The following FRMD4A variants were observed in gnomAD, a reference collection of about 807,000 sequenced individuals.
FRMD4A encodes the protein FERM domain containing 4A, also known as FERM domain-containing protein 4A.
Under a neutral mutation model 129.1 loss-of-function variants are expected in FRMD4A, and 29 were observed. The observed-to-expected ratio is 0.22, with a 90% CI of 0.17 to 0.31. The LOEUF (loss-of-function observed/expected upper bound fraction) is 0.31. Ranked by LOEUF, FRMD4A falls within the 10% of genes least tolerant of loss-of-function variation. FRMD4A has a pLI of 1.00. For missense variants in FRMD4A, 1,272 were observed against 1,375.8 expected, an observed-to-expected ratio of 0.92 and a Z score of 1.19; for synonymous variants, 634 against 571.6, an observed-to-expected ratio of 1.11 and a Z score of -1.56.
At position 14,301,582 on chromosome 10, in the gene FRMD4A, C is replaced by T. The variant is rs117948660; in HGVS notation, c.45+28476G>A. On this transcript the variant is annotated intron_variant, in intron 2 of 24. Coordinates refer to ENST00000357447, the MANE Select transcript of FRMD4A (RefSeq NM_018027.5). Reference sequence around the variant, plus strand: ...TTTTATTCAATTGACTAAATATTGGCCATTACAAGAAACATTCTGCATCTA... The same window carrying T: ...TTTTATTCAATTGACTAAATATTGGTCATTACAAGAAACATTCTGCATCTA... Among the ~76,000 whole-genome samples, 58 of 152,252 alleles carry T rather than the reference C, an allele frequency of 3.8e-4. 1 individual carries two copies. In the East Asian group the frequency reaches 0.01, roughly 27 times the overall value.
chr10:14,285,076 A>G (rs1476534388), intron 2 of FRMD4A, among the ~76,000 whole-genome samples: 1 of 152,264 alleles, frequency 6.6e-6, no homozygotes. Context: ...ATTTGCAATA[A>G]TCTAAATATC....
At chr10:13,764,978 C>T (rs2092228365) in intron 6 of FRMD4A, among the ~76,000 whole-genome samples, 1 of 152,178 alleles carries the variant, frequency 6.6e-6, no homozygotes, top group Admixed American at 6.5e-5. Flanking sequence ...CTTACATTTC[C>T]ACCCAAATCA....
At chr10:13,999,845 C>T (rs1192048303) in intron 2 of FRMD4A, among the ~76,000 whole-genome samples, 1 of 152,158 alleles carries the variant, frequency 6.6e-6, no homozygotes, top group African/African-American at 2.4e-5. Context: ...GGTGATGACA[C>T]GGATGTTCGT....
intron 3 of FRMD4A, among the ~76,000 whole-genome samples, chr10:13,852,800 T>A (rs191099479): frequency 6.6e-6 from 1 of 152,072 alleles, no homozygotes; most frequent in East Asian, 1.9e-4. Flanking sequence ...CACATTTTGC[T>A]CAATGGCCAC....
intron 5 of FRMD4A, among the ~76,000 whole-genome samples, chr10:13,791,618 AATTGCCTGAGAACAGGGTTT>A (rs1337722556): frequency 6.6e-6 from 1 of 152,216 alleles, no homozygotes; most frequent in Non-Finnish European, 1.5e-5. Context: ...ATGGACGCGA[AATTGCCTGAGAACAGGGTTT>A]ATCAGTTTTG....
At chr10:14,241,719 A>AAAAAAAAG (rs1844054755) in intron 2 of FRMD4A, among the ~76,000 whole-genome samples, 1 of 121,548 alleles carries the variant, frequency 8.2e-6, no homozygotes, top group African/African-American at 2.8e-5. Context: ...AAAAAAAAAA[A>AAAAAAAAG]AAGAGCCAAC....
chr10:14,065,177 CT>C (rs199891196), intron 2 of FRMD4A, among the ~76,000 whole-genome samples: 10 of 151,084 alleles, frequency 6.6e-5, no homozygotes, highest in African/African-American at 1.2e-4. Context: ...TTCATTGGGA[CT>C]TTTTTTTTCC....
chr10:14,221,425 G>T (rs1244077559), intron 2 of FRMD4A, among the ~76,000 whole-genome samples: 1 of 152,178 alleles, frequency 6.6e-6, no homozygotes, highest in African/African-American at 2.4e-5. Context: ...CCAAATACAG[G>T]CTCTTTTATC....
intron 15 of FRMD4A, among the ~76,000 whole-genome samples, chr10:13,679,474 T>TATATACACACAC (rs1308155926): frequency 2.2e-4 from 7 of 31,490 alleles, no homozygotes; most frequent in South Asian, 2.0e-3. Context: ...TATATATATA[T>TATATACACACAC]ACACACACAC....
At chr10:13,897,084 T>C (rs2094767451) in intron 2 of FRMD4A, among the ~76,000 whole-genome samples, 1 of 152,268 alleles carries the variant, frequency 6.6e-6, no homozygotes, top group Non-Finnish European at 1.5e-5. Context: ...CGTAAGTGGC[T>C]ATGAATCAAA....
chr10:14,110,584 A>T (rs1313971766), intron 2 of FRMD4A, among the ~76,000 whole-genome samples: 4 of 152,202 alleles, frequency 2.6e-5, no homozygotes, highest in Non-Finnish European at 4.4e-5. Context: ...ACTCCAAAAA[A>T]TGGTCCATCT....
intron 2 of FRMD4A, among the ~76,000 whole-genome samples, chr10:13,877,600 T>A (rs2094501207): frequency 6.6e-6 from 1 of 152,186 alleles, no homozygotes; most frequent in South Asian, 2.1e-4. Context: ...AGGGGGAAGT[T>A]TCCACAGTGA....
In FRMD4A at chr10:13,861,057, G is replaced by A. The variant is rs1219034473; in HGVS notation, c.46-2145C>T. 5.9e-5 allele frequency among the ~76,000 whole-genome samples: 9 copies of A among 152,294 alleles called. No homozygotes were observed. The East Asian group carries it at 1.5e-3, about 26-fold the overall frequency. On this transcript the variant is annotated intron_variant, in intron 2 of 24. Transcript: ENST00000357447. Reference sequence around the variant, plus strand: ...TGAGCGTCTCTGCAAATGGAAGCAGGTGGCAGCACAGTCGCGGGCCGAAGG... The same window carrying A: ...TGAGCGTCTCTGCAAATGGAAGCAGATGGCAGCACAGTCGCGGGCCGAAGG...
intron 2 of FRMD4A, among the ~76,000 whole-genome samples, chr10:14,144,343 G>C (rs181837979): frequency 5.3e-5 from 8 of 152,228 alleles, no homozygotes; most frequent in African/African-American, 1.9e-4. Context: ...GGAGAGAGGA[G>C]GGGACCGAAA....
At chr10:14,292,284 C>A (rs1845872984) in intron 2 of FRMD4A, among the ~76,000 whole-genome samples, 2 of 152,156 alleles carry the variant, frequency 1.3e-5, no homozygotes, top group African/African-American at 2.4e-5. Flanking sequence ...GAGATACTGG[C>A]ATGTGTATGA....
intron 2 of FRMD4A, among the ~76,000 whole-genome samples, chr10:14,236,538 G>A (rs1045713000): frequency 7.9e-5 from 12 of 152,130 alleles, no homozygotes; most frequent in African/African-American, 1.7e-4. Context: ...TCAGCTCTGC[G>A]GATCACCACC....
Position 13,843,426 on chromosome 10 carries a change from G to A in FRMD4A, c.111+15421C>T, listed in dbSNP as rs370896540. Among the ~76,000 whole-genome samples the A allele has an allele frequency of 3.9e-4, 60 of 152,302 alleles. 1 individual carries two copies. The South Asian group carries it at 0.012, about 29-fold the overall frequency. On this transcript the variant is annotated intron_variant, in intron 3 of 24. Coordinates refer to ENST00000357447, the MANE Select transcript of FRMD4A (RefSeq NM_018027.5). ...GTGGTCTGGGGTGGAGTCCGGAATC[G>A]AGGAGTGGGGAGGGACATCTGGGGA...
At chr10:13,668,637 C>T (rs142194638) in intron 17 of FRMD4A, among the ~76,000 whole-genome samples, 113 of 152,264 alleles carry the variant, frequency 7.4e-4, no homozygotes, top group Middle Eastern at 3.4e-3. Context: ...AGGGCATTCT[C>T]AGGGAGCTAA....
At chr10:13,966,096 C>T (rs1445816040) in intron 2 of FRMD4A, among the ~76,000 whole-genome samples, 1 of 152,014 alleles carries the variant, frequency 6.6e-6, no homozygotes, top group African/African-American at 2.4e-5. Context: ...TGCGACCTCT[C>T]GAACTCCCGA....
Sources: allele counts gnomAD v4.1 joint callset (sites outside exome capture counted in the v4.1 genomes callset), GRCh38; gene constraint gnomAD v4.1.1; transcripts MANE v1.5; gene names NCBI Gene and HGNC (gene_info 2026-07-23, HGNC 2026-07-21).